Variants in P4HB observed in about 807,000 individuals in gnomAD.
The protein encoded by P4HB is prolyl 4-hydroxylase subunit beta, also known as protein disulfide-isomerase.
P4HB carries 20 observed loss-of-function variants against 52.6 expected under a neutral mutation model. That is an observed-to-expected ratio of 0.38 (90% confidence interval 0.27 to 0.55). P4HB has a LOEUF of 0.55. P4HB is among the 20% of genes least tolerant of loss of function. P4HB has a pLI of 0.74. For missense variants in P4HB, 601 were observed against 669.2 expected, an observed-to-expected ratio of 0.90 and a Z score of 1.12; for synonymous variants, 296 against 277.9, an observed-to-expected ratio of 1.07 and a Z score of -0.65.
At chr17:81,844,587 C>T (rs1478607371) in intron 10 of P4HB, among the ~76,000 whole-genome samples, 1 of 152,176 alleles carries the variant, frequency 6.6e-6, no homozygotes, top group Non-Finnish European at 1.5e-5. Context: ...GTATTCCCAC[C>T]TCCCACTGTG....
rs1251194685 is a variant in P4HB at position 81,846,554 on chromosome 17, C to G, written c.931G>C (p.Glu311Gln). The G allele has an allele frequency of 8.1e-6, 13 of 1,613,978 alleles. No individual in the cohort carries two copies. The highest frequency in any genetic ancestry group is 1.1e-5 in the Non-Finnish European group (13 of 1,180,028). The part of the protein sequence containing the change: ...ILEFFGLKKE[E>Q]CPAVRLITLE... ...GTGATGAGGCGCACGGCCGGGCACT[C>G]TTCCTTCTTCAGGCCAAAGAACTCG... The change falls in exon 7 of 11, where the codon GAG becomes CAG. Residue 311 changes from glutamate to glutamine, a missense_variant. Glu to Gln is a conservative substitution (Grantham distance 29). Coordinates refer to ENST00000331483, the MANE Select transcript of P4HB (RefSeq NM_000918.4). The surrounding 1 kb of genome is among the most constrained non-coding windows in gnomAD (Gnocchi z 5.7).
Position 81,844,060 on chromosome 17 carries a change from T to C in P4HB, c.1479A>G (p.Pro493=). ...TCTGATCATCGTCTTCCTCCATGTCTGGCTCCTCTGCTTCTTCCAGGTCCT... is the reference window on the plus strand; with the variant it reads ...TCTGATCATCGTCTTCCTCCATGTCCGGCTCCTCTGCTTCTTCCAGGTCCT... ...DLEDLEEAEE[P]DMEEDDDQKA... The change falls in exon 11 of 11, where the codon CCA becomes CCG. Residue 493 remains proline, a synonymous_variant. Transcript: ENST00000331483. 6.2e-7 allele frequency: 1 copy of C among 1,613,766 alleles called. No homozygotes were observed. The highest frequency in any genetic ancestry group is 8.5e-7 in the Non-Finnish European group (1 of 1,179,672).
Position 81,846,853 on chromosome 17 carries a change from A to C in P4HB, c.855+94T>G. 2 of 1,488,412 alleles carry C rather than the reference A, an allele frequency of 1.3e-6. No homozygotes were observed. Among genetic ancestry groups the C allele is most frequent in the South Asian group, 1.2e-5 (1 of 84,708 alleles). The allele number at this position is 1,488,412 out of a possible 1,614,324, so 92.2% of individuals were successfully genotyped here. A position where few individuals can be genotyped will look rare whatever the true frequency, so the allele number is the denominator to read the frequency against. On this transcript the variant is annotated intron_variant, in intron 6 of 10. Coordinates refer to ENST00000331483, the MANE Select transcript of P4HB (RefSeq NM_000918.4). This position sits in a 1 kb window ranked among gnomAD's most constrained non-coding sequence, Gnocchi z 5.7. ...AATCAGGTGCCCGATCCAGTCCAGC[A>C]GGCAGCCTCAGGAAGGCCCCACACT...
intron 9 of P4HB, 55 bp from the exon 10 acceptor site, chr17:81,845,285 T>G: frequency 1.6e-5 from 22 of 1,374,860 alleles, no homozygotes; most frequent in Non-Finnish European, 2.3e-5. Context: ...GCCAATCTCC[T>G]GGCATTGGCT....
Position 81,847,310 on chromosome 17 carries a change from G to A in P4HB, c.662C>T (p.Thr221Ile). 6.2e-7 allele frequency: 1 copy of A among 1,614,148 alleles called. No homozygotes were observed. The stretch of plus-strand genomic sequence containing the variant: ...GATAAAGTCCAGCAGGTTCTCCTTG[G>A]TGACCTCCCCTTCAAAGTTGTTCCG... ...EGRNNFEGEV[T>I]KENLLDFIKH... Residue 221 changes from threonine (T) to isoleucine (I), a missense_variant, in exon 5 of 11, where the codon ACC (threonine) becomes ATC (isoleucine). Thr to Ile is a moderately conservative substitution (Grantham distance 89). Transcript: ENST00000331483.
chr17:81,847,175 G>A (rs1246609807), intron 5 of P4HB, 68 bp downstream of exon 5: 25 of 1,595,530 alleles, frequency 1.6e-5, no homozygotes, highest in Admixed American at 3.3e-5. Context: ...AGTGGTGACC[G>A]GGAGCCTCAT....
At chr17:81,844,256 G>T (rs1436980300) in intron 10 of P4HB, among the ~76,000 whole-genome samples, 164 bp from the exon 11 acceptor site, 2 of 152,034 alleles carry the variant, frequency 1.3e-5, no homozygotes, top group Non-Finnish European at 2.9e-5. Flanking sequence ...CTACACAGGG[G>T]TCTTCCCAGG....
intron 4 of P4HB, among the ~76,000 whole-genome samples, chr17:81,852,507 C>T (rs902578031): frequency 6.6e-6 from 1 of 152,254 alleles, no homozygotes; most frequent in African/African-American, 2.4e-5. Context: ...AGGGCAGCCC[C>T]TACCACGTGC....
intron 9 of P4HB, 161 bp downstream of exon 9, chr17:81,845,400 A>C: frequency 1.2e-6 from 1 of 836,842 alleles, no homozygotes; most frequent in Non-Finnish European, 1.9e-6. Context: ...GTGAGATCCC[A>C]TCTCTCTCGA....
In P4HB at chr17:81,847,283, T is replaced by C. The variant is rs773105281; in HGVS notation, c.689A>G (p.Lys230Arg). 8.7e-6 allele frequency: 14 copies of C among 1,613,966 alleles called. No homozygotes were observed. The highest frequency in any genetic ancestry group is 3.3e-5 in the South Asian group (3 of 91,080). ...VTKENLLDFI[K>R]HNQLPLVIEF... ...GATGACAAGGGGCAGCTGGTTGTGT[T>C]TGATAAAGTCCAGCAGGTTCTCCTT... Residue 230 changes from lysine (K) to arginine (R), a missense_variant, in exon 5 of 11, where the codon AAA (lysine) becomes AGA (arginine). Transcript: ENST00000331483.
intron 2 of P4HB, among the ~76,000 whole-genome samples, chr17:81,858,658 A>G (rs1406970738): frequency 6.6e-6 from 1 of 152,162 alleles, no homozygotes; most frequent in African/African-American, 2.4e-5. Context: ...GCGGGCTTGG[A>G]TTCGAGGTCT....
chr17:81,845,283 C>A, intron 9 of P4HB, 53 bp from the exon 10 acceptor site: 2 of 1,430,180 alleles, frequency 1.4e-6, no homozygotes, highest in East Asian at 2.3e-5. Flanking sequence ...GAGCCAATCT[C>A]CTGGCATTGG....
intron 1 of P4HB, 73 bp downstream of exon 1, chr17:81,860,254 G>C (rs570931032): frequency 2.4e-6 from 3 of 1,239,890 alleles, no homozygotes; most frequent in African/African-American, 3.2e-5. Context: ...GGGGGCTGCC[G>C]GGCCGTGCCT....
Position 81,846,917 on chromosome 17 carries a change from C to T in P4HB, c.855+30G>A, listed in dbSNP as rs544953075. ...AGAGTTGTACTGCTCCCTGGCACCGCCCCACGAGCCACCCAGAAGAGCAGC... is the reference window on the plus strand; with the variant it reads ...AGAGTTGTACTGCTCCCTGGCACCGTCCCACGAGCCACCCAGAAGAGCAGC... On this transcript the variant is annotated intron_variant, in intron 6 of 10. Coordinates refer to ENST00000331483, the MANE Select transcript of P4HB (RefSeq NM_000918.4). This position sits in a 1 kb window ranked among gnomAD's most constrained non-coding sequence, Gnocchi z 5.7. The T allele has an allele frequency of 1.2e-6, 2 of 1,612,648 alleles. No individual in the cohort carries two copies. The highest frequency in any genetic ancestry group is 2.7e-5 in the African/African-American group (2 of 75,008).
chr17:81,855,180 A>G lies in P4HB; in HGVS notation c.586T>C (p.Tyr196His), dbSNP rs1354999228. 1 of 1,613,992 alleles carries G rather than the reference A, an allele frequency of 6.2e-7. No individual in the cohort carries two copies. Among genetic ancestry groups the G allele is most frequent in the Non-Finnish European group, 8.5e-7 (1 of 1,180,014 alleles). ...ITSNSDVFSK[Y>H]QLDKDGVVLF... ...ACAACCCCATCTTTGTCGAGCTGGT[A>G]TTTGGAGAACACGTCACTGTTGGAA... Residue 196 changes from tyrosine to histidine, a missense_variant, in exon 4 of 11, where the codon TAC becomes CAC. Physicochemically the swap from Tyr to His is moderately conservative, Grantham distance 83. Coordinates refer to ENST00000331483, the MANE Select transcript of P4HB (RefSeq NM_000918.4). The surrounding 1 kb of genome is among the most constrained non-coding windows in gnomAD (Gnocchi z 4.3).
chr17:81,845,089 G>A (rs778717755), intron 10 of P4HB, 55 bp downstream of exon 10: 76 of 1,366,916 alleles, frequency 5.6e-5, no homozygotes, highest in South Asian at 1.3e-4. Flanking sequence ...GGCATGTCCC[G>A]TGGGGCCAAG....
chr17:81,849,617 C>T (rs1015524137), intron 4 of P4HB, among the ~76,000 whole-genome samples: 1 of 152,208 alleles, frequency 6.6e-6, no homozygotes, highest in Non-Finnish European at 1.5e-5. Context: ...CTGGGGACCC[C>T]TAATAATGCA....
chr17:81,843,660 A>C lies in P4HB; in HGVS notation c.*352T>G. On this transcript the variant is annotated 3_prime_UTR_variant, in exon 11 of 11. Transcript: ENST00000331483. ...AAATGTCTAAAAATCCCACAGACGG[A>C]ATTTTCAAAAAGAGGAGAAACCTCC... 1 of 454,474 alleles carries C rather than the reference A, an allele frequency of 2.2e-6. No homozygotes were observed. The highest frequency in any genetic ancestry group is 3.9e-6 in the Non-Finnish European group (1 of 258,274). 28.2% of individuals were successfully genotyped at this position (454,474 alleles called of 1,614,324 possible).
At chr17:81,845,408 C>G (rs1045363712) in intron 9 of P4HB, 153 bp downstream of exon 9, 10 of 871,784 alleles carry the variant, frequency 1.1e-5, no homozygotes, top group Non-Finnish European at 1.8e-5. Context: ...CCATCTCTCT[C>G]GAAAAACAAA....
Sources: gnomAD v4.1 joint callset for allele counts (sites outside exome capture counted in the v4.1 genomes callset) on GRCh38, gnomAD v4.1.1 for gene constraint, Gnocchi (gnomAD v3.1) non-coding constraint, MANE v1.5 for transcripts, NCBI Gene and HGNC (gene_info 2026-07-23, HGNC 2026-07-21) for gene names.